Variants in ZNF804A observed in about 807,000 individuals in gnomAD.
The protein encoded by ZNF804A is zinc finger protein 804A.
ZNF804A carries 2 observed loss-of-function variants against 16.5 expected under a neutral mutation model. The ratio of observed to expected loss-of-function variants is 0.12; its 90% CI spans 0.05 to 0.38. The LOEUF is 0.38. ZNF804A is among the 10% of genes least tolerant of loss of function. ZNF804A has a pLI of 0.99. For missense variants in ZNF804A, 1,473 were observed against 1,390.7 expected, an observed-to-expected ratio of 1.06 and a Z score of -0.94; for synonymous variants, 534 against 489.6, an observed-to-expected ratio of 1.09 and a Z score of -1.20.
chr2:184,694,241 G>T (rs1406199568), intron 1 of ZNF804A, among the ~76,000 whole-genome samples: 4 of 151,812 alleles, frequency 2.6e-5, no homozygotes, highest in South Asian at 2.1e-4. Flanking sequence ...GAGCCACTGT[G>T]CTAGGCTTAG....
At chr2:184,907,429 T>G (rs1255913713) in intron 2 of ZNF804A, among the ~76,000 whole-genome samples, 1 of 152,224 alleles carries the variant, frequency 6.6e-6, no homozygotes, top group Non-Finnish European at 1.5e-5. Context: ...ATAAATCATT[T>G]CTTGGGAATA....
rs568414707 is a variant in ZNF804A, at chr2:184,820,333, T to C, written c.112-46036T>C. On this transcript the variant is annotated intron_variant, in intron 1 of 3. Coordinates refer to ENST00000302277, the MANE Select transcript of ZNF804A (RefSeq NM_194250.2). ...GACAAAAACCACATGATTATCTCAA[T>C]AGATGCAGGAAATGCCTTTGATAAA... 3.3e-5 allele frequency among the ~76,000 whole-genome samples: 5 copies of C among 152,236 alleles called. 1 individual carries two copies. In the South Asian group the frequency reaches 1.0e-3, roughly 32 times the overall value.
At chr2:184,914,655 T>A (rs1314005471) in intron 2 of ZNF804A, among the ~76,000 whole-genome samples, 1 of 152,168 alleles carries the variant, frequency 6.6e-6, no homozygotes, top group African/African-American at 2.4e-5. Context: ...TGCTAAACTG[T>A]TACAATTAAT....
intron 1 of ZNF804A, among the ~76,000 whole-genome samples, chr2:184,806,174 C>T (rs1202528473): frequency 6.6e-6 from 1 of 151,902 alleles, no homozygotes; most frequent in Non-Finnish European, 1.5e-5. Flanking sequence ...AAGTAGGCAA[C>T]CTCTGACAAC....
chr2:184,892,284 A>T (rs12693399), intron 2 of ZNF804A, among the ~76,000 whole-genome samples: 124,307 of 151,932 alleles, frequency 0.82, 51,179 homozygotes, highest in African/African-American at 0.89. Flanking sequence ...AAAATACCAA[A>T]CTTTGTTCAG....
intron 2 of ZNF804A, among the ~76,000 whole-genome samples, chr2:184,888,722 TTTATTGTTGTTGTTTTAC>T (rs1358089458): frequency 3.9e-5 from 6 of 152,086 alleles, no homozygotes; most frequent in African/African-American, 1.4e-4. Flanking sequence ...TTTTGCTGTT[TTTATTGTTGTTGTTTTAC>T]TTATTGGAGG....
At chr2:184,842,893 C>G (rs1695458666) in intron 1 of ZNF804A, among the ~76,000 whole-genome samples, 1 of 152,264 alleles carries the variant, frequency 6.6e-6, no homozygotes. Context: ...ATAATTCAGA[C>G]AGTGAGCACC....
intron 2 of ZNF804A, among the ~76,000 whole-genome samples, chr2:184,925,033 G>T (rs1392849001): frequency 1.3e-5 from 2 of 151,798 alleles, no homozygotes; most frequent in East Asian, 3.9e-4. Context: ...GATGAAATGT[G>T]TCGTAAATAT....
intron 1 of ZNF804A, among the ~76,000 whole-genome samples, chr2:184,670,656 C>A (rs1692327221): frequency 6.6e-6 from 1 of 151,970 alleles, no homozygotes; most frequent in Non-Finnish European, 1.5e-5. Flanking sequence ...TCAATATTTT[C>A]TTATTTGTAT....
intron 1 of ZNF804A, among the ~76,000 whole-genome samples, chr2:184,699,083 T>C (rs1441001834): frequency 6.6e-6 from 1 of 152,008 alleles, no homozygotes; most frequent in Admixed American, 6.6e-5. Flanking sequence ...TGGGATTCTA[T>C]AACTAAAGAA....
At chr2:184,866,541 C>A in intron 2 of ZNF804A, 29 bp downstream of exon 2, 1 of 1,582,832 alleles carries the variant, frequency 6.3e-7, no homozygotes, top group South Asian at 1.2e-5. Flanking sequence ...AAAATTCTGG[C>A]ATTTCTGGAC....
intron 1 of ZNF804A, among the ~76,000 whole-genome samples, chr2:184,646,590 C>G (rs1284545267): frequency 6.6e-6 from 1 of 152,204 alleles, no homozygotes; most frequent in African/African-American, 2.4e-5. Flanking sequence ...AGCACCTGCT[C>G]ACTTAGATCA....
At chr2:184,718,439 C>T (rs1693248338) in intron 1 of ZNF804A, among the ~76,000 whole-genome samples, 1 of 152,154 alleles carries the variant, frequency 6.6e-6, no homozygotes, top group Non-Finnish European at 1.5e-5. Context: ...CTCATTTCAG[C>T]ATTAACTCAA....
chr2:184,615,645 AT>A (rs1215598007), intron 1 of ZNF804A, among the ~76,000 whole-genome samples: 3 of 152,012 alleles, frequency 2.0e-5, no homozygotes, highest in African/African-American at 7.3e-5. Flanking sequence ...TCTACAGGTG[AT>A]GTATTTCATA....
chr2:184,934,387 A>T (rs935319252), intron 3 of ZNF804A, among the ~76,000 whole-genome samples: 1 of 152,146 alleles, frequency 6.6e-6, no homozygotes, highest in Non-Finnish European at 1.5e-5. Flanking sequence ...TCTCCAATCA[A>T]TAAAGCCTCT....
chr2:184,802,735 T>C (rs1694746387), intron 1 of ZNF804A, among the ~76,000 whole-genome samples: 2 of 152,216 alleles, frequency 1.3e-5, no homozygotes, highest in South Asian at 4.1e-4. Flanking sequence ...CCAAACCCTA[T>C]ATGAGAAAGC....
At chr2:184,644,344 C>T (rs1039878348) in intron 1 of ZNF804A, among the ~76,000 whole-genome samples, 2 of 151,516 alleles carry the variant, frequency 1.3e-5, no homozygotes, top group Non-Finnish European at 3.0e-5. Flanking sequence ...GCAGAAGCAA[C>T]AATATTTGTG....
chr2:184,900,767 A>G (rs1192975463), intron 2 of ZNF804A, among the ~76,000 whole-genome samples: 1 of 152,180 alleles, frequency 6.6e-6, no homozygotes, highest in African/African-American at 2.4e-5. Flanking sequence ...ATGAAATGGA[A>G]GAAGAGTGGA....
rs573009668 is a variant in ZNF804A at position 184,653,043 on chromosome 2, C to A, written c.111+53973C>A. 1.4e-4 allele frequency among the ~76,000 whole-genome samples: 21 copies of A among 152,248 alleles called. No homozygotes were observed. The Middle Eastern group carries it at 0.01, about 74-fold the overall frequency. ...CCTTCGGAACTGTGAGTCAATTAAA[C>A]CTCTTTCCTTTATAAATTACCTAGT... is the stretch of plus-strand genomic sequence containing the variant. On this transcript the variant is annotated intron_variant, in intron 1 of 3. Transcript: ENST00000302277.
Sources: allele counts gnomAD v4.1 joint callset (sites outside exome capture counted in the v4.1 genomes callset), GRCh38; gene constraint gnomAD v4.1.1; transcripts MANE v1.5; gene names NCBI Gene and HGNC (gene_info 2026-07-23, HGNC 2026-07-21).